PCSK6: variants seen among roughly 807,000 people sequenced by gnomAD.
The protein encoded by PCSK6 is paired basic amino acid cleaving enzyme 4.
Under a neutral mutation model 123.3 loss-of-function variants are expected in PCSK6, and 85 were observed. The observed-to-expected ratio is 0.69, with a 90% CI of 0.58 to 0.83. The LOEUF (loss-of-function observed/expected upper bound fraction) is 0.83. PCSK6 is among the 40% of genes least tolerant of loss of function. The pLI is 0.00. For synonymous variants in PCSK6, 508 were observed against 516.0 expected (o/e 0.98, Z 0.21); for missense variants, 1,191 against 1,282.3 (o/e 0.93, Z 1.09).
At chr15:101,425,257 C>T (rs1365728867) in intron 6 of PCSK6, among the ~76,000 whole-genome samples, 1 of 152,176 alleles carries the variant, frequency 6.6e-6, no homozygotes, top group African/African-American at 2.4e-5. Flanking sequence ...CTGGCCTTGA[C>T]CCAAGGATCC....
chr15:101,340,301 A>G (rs370904594), intron 13 of PCSK6, among the ~76,000 whole-genome samples: 330 of 152,306 alleles, frequency 2.2e-3, no homozygotes, highest in African/African-American at 7.5e-3. Flanking sequence ...CTGTGCTCCT[A>G]TAGCCACAAA....
intron 1 of PCSK6, among the ~76,000 whole-genome samples, chr15:101,460,619 G>A (rs28470883): frequency 0.83 from 126,967 of 152,174 alleles, 53,568 homozygotes; most frequent in African/African-American, 0.94. Context: ...GACACACAAC[G>A]TTTTCAAAGA....
chr15:101,413,102 A>G (rs1249708753), intron 6 of PCSK6, among the ~76,000 whole-genome samples: 1 of 152,132 alleles, frequency 6.6e-6, no homozygotes, highest in Non-Finnish European at 1.5e-5. Context: ...CGCTCTCCAA[A>G]TTTGGCAAGA....
At position 101,435,904 on chromosome 15, in the gene PCSK6, T is replaced by A. The variant is rs78416409; in HGVS notation, c.403-3804A>T. On this transcript the variant is annotated intron_variant, in intron 2 of 21. Coordinates refer to ENST00000611716, the MANE Select transcript of PCSK6 (RefSeq NM_002570.5). ...GGCTGTCCATGCCACCGAGTTGTGA[T>A]CCTTGTCCAAGCATCCTTTCAGCGA... Among the ~76,000 whole-genome samples the A allele has an allele frequency of 3.8e-3, 572 of 152,308 alleles. 4 individuals are homozygous for A. The highest frequency in any genetic ancestry group is 0.013 in the African/African-American group (550 of 41,568).
intron 13 of PCSK6, 102 bp from the exon 14 acceptor site, chr15:101,332,133 C>T (rs1567147483): frequency 5.7e-6 from 6 of 1,059,796 alleles, no homozygotes; most frequent in Non-Finnish European, 8.0e-6. Flanking sequence ...GATAGCTGGG[C>T]TCTGGCCTGC....
intron 1 of PCSK6, among the ~76,000 whole-genome samples, chr15:101,456,340 T>C (rs763400091): frequency 5.3e-5 from 8 of 152,218 alleles, no homozygotes; most frequent in Non-Finnish European, 1.0e-4. Flanking sequence ...TTATCAATAG[T>C]GACGCCCACC....
At chr15:101,338,362 G>GA (rs2040529656) in intron 13 of PCSK6, among the ~76,000 whole-genome samples, 3 of 149,454 alleles carry the variant, frequency 2.0e-5, no homozygotes, top group African/African-American at 7.7e-5. Flanking sequence ...CCACAGTGTC[G>GA]GCCCCCCACA....
At chr15:101,417,626 G>A (rs911924128) in intron 6 of PCSK6, among the ~76,000 whole-genome samples, 26 of 152,086 alleles carry the variant, frequency 1.7e-4, no homozygotes, top group African/African-American at 5.6e-4. Flanking sequence ...CTAGTAAGAG[G>A]TGATGAAAGG....
intron 1 of PCSK6, among the ~76,000 whole-genome samples, chr15:101,474,782 TCTG>T (rs1363506810): frequency 2.0e-5 from 3 of 152,142 alleles, no homozygotes; most frequent in Admixed American, 6.5e-5. Context: ...TCCCACAGGA[TCTG>T]CTAACACTGT....
intron 1 of PCSK6, among the ~76,000 whole-genome samples, chr15:101,462,490 A>G (rs2057362005): frequency 6.6e-6 from 1 of 152,258 alleles, no homozygotes; most frequent in Non-Finnish European, 1.5e-5. Context: ...CTGAAAAAGA[A>G]TAAGACTTGC....
At position 101,366,187 on chromosome 15, in the gene PCSK6, G is replaced by A. The variant is rs1332704786; in HGVS notation, c.1858+9C>T. On this transcript the variant is annotated intron_variant, in intron 13 of 21. Transcript: ENST00000611716. ...AAAAGCTGTCATGAGATTCCCAAGA[G>A]CCACTGACCTTGCTTCTCCGGGTTG... 6.2e-7 allele frequency: 1 copy of A among 1,608,862 alleles called. No individual in the cohort carries two copies. The highest frequency in any genetic ancestry group is 2.2e-5 in the East Asian group (1 of 44,552).
chr15:101,313,682 T>C, intron 19 of PCSK6, 177 bp from the exon 20 acceptor site: 2 of 833,872 alleles, frequency 2.4e-6, no homozygotes, highest in Non-Finnish European at 3.6e-6. Flanking sequence ...TCCCAGGAGG[T>C]GGGCATCGCC....
At chr15:101,419,647 G>T (rs573128733) in intron 6 of PCSK6, among the ~76,000 whole-genome samples, 1 of 151,594 alleles carries the variant, frequency 6.6e-6, no homozygotes, top group African/African-American at 2.4e-5. Flanking sequence ...GAGAAAATTT[G>T]CCCTATCAGT....
chr15:101,480,270 G>A (rs1555465999), intron 1 of PCSK6, among the ~76,000 whole-genome samples: 1 of 152,234 alleles, frequency 6.6e-6, no homozygotes, highest in Non-Finnish European at 1.5e-5. Context: ...GAAGATTAGA[G>A]AACTAACAGT....
chr15:101,385,119 C>G (rs1448055460), intron 9 of PCSK6, among the ~76,000 whole-genome samples: 4 of 152,128 alleles, frequency 2.6e-5, no homozygotes, highest in Non-Finnish European at 5.9e-5. Flanking sequence ...TGGGCTCAAG[C>G]AGTCTTCCTA....
intron 1 of PCSK6, among the ~76,000 whole-genome samples, chr15:101,466,809 A>G (rs1345249218): frequency 6.6e-6 from 1 of 152,180 alleles, no homozygotes; most frequent in Admixed American, 6.5e-5. Flanking sequence ...AAATCTAGAG[A>G]GACGGAGAGT....
chr15:101,464,205 C>T (rs1038166439), intron 1 of PCSK6, among the ~76,000 whole-genome samples: 1 of 152,130 alleles, frequency 6.6e-6, no homozygotes, highest in South Asian at 2.1e-4. Context: ...CACAGACTCA[C>T]CCACATCCTG....
chr15:101,404,156 G>T (rs1196101297), intron 6 of PCSK6, among the ~76,000 whole-genome samples: 2 of 152,286 alleles, frequency 1.3e-5, no homozygotes, highest in African/African-American at 4.8e-5. Flanking sequence ...ACAAACAGAG[G>T]TTCTTAATTT....
intron 1 of PCSK6, among the ~76,000 whole-genome samples, chr15:101,480,488 C>T (rs7166284): frequency 0.079 from 12,082 of 152,288 alleles, 487 homozygotes; most frequent in East Asian, 0.13. Context: ...GAACCCTAGG[C>T]TGCTGATCCC....
Sources: allele counts gnomAD v4.1 joint callset (sites outside exome capture counted in the v4.1 genomes callset), GRCh38; gene constraint gnomAD v4.1.1; transcripts MANE v1.5; gene names NCBI Gene and HGNC (gene_info 2026-07-23, HGNC 2026-07-21).